The following NUMBL variants were observed in gnomAD, a reference collection of about 807,000 sequenced individuals.
NUMBL encodes the protein numb-like protein.
In NUMBL, 20 loss-of-function variants were observed where a neutral mutation model predicts 48.9. The ratio of observed to expected loss-of-function variants is 0.41; its 90% confidence interval spans 0.29 to 0.59. The LOEUF is 0.59. Ranked by LOEUF, NUMBL falls within the 20% of genes least tolerant of loss-of-function variation. NUMBL has a pLI of 0.31. For missense variants in NUMBL, 660 were observed against 846.2 expected (o/e 0.78, Z 2.73); for synonymous variants, 340 against 348.7 (o/e 0.98, Z 0.28).
At chr19:40,671,036 G>A (rs1276215960) in intron 8 of NUMBL, among the ~76,000 whole-genome samples, 1 of 152,106 alleles carries the variant, frequency 6.6e-6, no homozygotes, top group East Asian at 1.9e-4. Flanking sequence ...GAGTGTAGTG[G>A]CACAATCTTA....
At position 40,673,270 on chromosome 19, in the gene NUMBL, C is replaced by A. The variant is rs936861442; in HGVS notation, c.1036+74G>T. 24 of 1,415,794 alleles carry A rather than the reference C, an allele frequency of 1.7e-5. No individual in the cohort carries two copies. The highest frequency in any genetic ancestry group is 2.2e-5 in the Non-Finnish European group (23 of 1,052,138). 87.7% of individuals were successfully genotyped at this position (1,415,794 alleles called of 1,614,324 possible). On this transcript the variant is annotated intron_variant, in intron 8 of 9. Coordinates refer to ENST00000252891, the MANE Select transcript of NUMBL (RefSeq NM_004756.5). The surrounding 1 kb of genome is among the most constrained non-coding windows in gnomAD (Gnocchi z 5.9). The stretch of plus-strand genomic sequence containing the variant: ...AAATCAATCACAGTGTGAACCATCT[C>A]GCCTCCATCCCTTGCCCACATCAGA...
At chr19:40,681,360 G>C (rs1353671945) in intron 5 of NUMBL, among the ~76,000 whole-genome samples, 1 of 152,200 alleles carries the variant, frequency 6.6e-6, no homozygotes, top group Non-Finnish European at 1.5e-5. Context: ...AAGCCAGCTT[G>C]GGGTCAGTCA....
In NUMBL at chr19:40,666,139, G is replaced by GTTTTTTTTTTTTTTTTTTTT. The variant is rs767929280; in HGVS notation, c.*1328_*1329insAAAAAAAAAAAAAAAAAAAA. ...ATTAATATTGAGCTAATTAGAAGTA[G>GTTTTTTTTTTTTTTTTTTTT]TTTTTTTTTTTTTGTTTTTTTTTTT... On this transcript the variant is annotated 3_prime_UTR_variant, in exon 10 of 10. Transcript: ENST00000252891. The GTTTTTTTTTTTTTTTTTTTT allele has an allele frequency of 7.1e-5, 9 of 125,966 alleles. No individual in the cohort carries two copies. Among genetic ancestry groups the GTTTTTTTTTTTTTTTTTTTT allele is most frequent in the Non-Finnish European group, 6.6e-5 (4 of 60,734 alleles). The allele number at this position is 125,966 out of a possible 1,614,324, so 7.8% of individuals were successfully genotyped here.
In NUMBL at chr19:40,673,944, A is replaced by G. The variant is rs1173850621; in HGVS notation, c.731-295T>C. 5.9e-5 allele frequency among the ~76,000 whole-genome samples: 9 copies of G among 151,820 alleles called. No homozygotes were observed. The highest frequency in any genetic ancestry group is 5.9e-4 in the Admixed American group (9 of 15,248). ...ACCATTCTTCCCTCTAAGACCCTCT[A>G]TCTCCCTTTTTGATCACTTAACAAA... is the stretch of plus-strand genomic sequence containing the variant. On this transcript the variant is annotated intron_variant, in intron 7 of 9. Transcript: ENST00000252891. This position sits in a 1 kb window ranked among gnomAD's most constrained non-coding sequence, Gnocchi z 5.9.
rs566397265 is a variant in NUMBL, at chr19:40,668,062, C to A, written c.1236G>T (p.Glu412Asp). The change falls in exon 10 of 10, where the codon GAG (glutamate) becomes GAT (aspartate). Residue 412 changes from glutamate to aspartate, a missense_variant. Coordinates refer to ENST00000252891, the MANE Select transcript of NUMBL (RefSeq NM_004756.5). ...ACACCTCCTCCAGCCATCGCTCAGCCTCTGAAGGTGTCCGCTTGTGCCCAG... is the reference window on the plus strand; with the variant it reads ...ACACCTCCTCCAGCCATCGCTCAGCATCTGAAGGTGTCCGCTTGTGCCCAG... ...FQPGHKRTPS[E>D]AERWLEEVSQ... 2.5e-5 allele frequency: 40 copies of A among 1,595,210 alleles called. 1 individual carries two copies. In the South Asian group the frequency reaches 4.0e-4, roughly 16 times the overall value.
intron 2 of NUMBL, chr19:40,686,281 A>G (rs1858918729): frequency 6.6e-6 from 1 of 152,466 alleles, no homozygotes; most frequent in South Asian, 2.1e-4. Flanking sequence ...CAGCCTCCCA[A>G]GTAGCTGGGA....
At position 40,667,366 on chromosome 19, in the gene NUMBL, T is replaced by C; in HGVS notation, c.*102A>G. 6.7e-7 allele frequency: 1 copy of C among 1,484,828 alleles called. No individual in the cohort carries two copies. The highest frequency in any genetic ancestry group is 9.0e-7 in the Non-Finnish European group (1 of 1,114,000). 92.0% of individuals were successfully genotyped at this position (1,484,828 alleles called of 1,614,324 possible). On this transcript the variant is annotated 3_prime_UTR_variant, in exon 10 of 10. Transcript: ENST00000252891. The surrounding 1 kb of genome is among the most constrained non-coding windows in gnomAD (Gnocchi z 6.1). ...GAGGGAGGGGGGTGTTGAGAGGGTG[T>C]TGAGGGGCGCAGCCCCAGGGAGCAG...
chr19:40,670,457 C>T lies in NUMBL; in HGVS notation c.1037-437G>A, dbSNP rs1466511250. Among the ~76,000 whole-genome samples the T allele has an allele frequency of 2.6e-5, 4 of 152,088 alleles. No homozygotes were observed. In the East Asian group the frequency reaches 7.7e-4, roughly 29 times the overall value. Reference sequence around the variant, plus strand: ...GAGAAGTGGGGTCCTGTCCACCCCACCCAGGCTGATCTATGGCAAACATCA... The same window carrying T: ...GAGAAGTGGGGTCCTGTCCACCCCATCCAGGCTGATCTATGGCAAACATCA... On this transcript the variant is annotated intron_variant, in intron 8 of 9. Transcript: ENST00000252891.
intron 8 of NUMBL, among the ~76,000 whole-genome samples, chr19:40,671,122 C>T (rs1481716218): frequency 1.3e-5 from 2 of 152,184 alleles, no homozygotes; most frequent in East Asian, 3.9e-4. Context: ...TGCCACTGCA[C>T]CTGGTTAACA....
intron 3 of NUMBL, among the ~76,000 whole-genome samples, chr19:40,683,632 G>T (rs957197499): frequency 6.6e-6 from 1 of 152,208 alleles, no homozygotes; most frequent in Non-Finnish European, 1.5e-5. Flanking sequence ...AGTCCACGCC[G>T]TGAATCCTGC....
intron 9 of NUMBL, 54 bp from the exon 10 acceptor site, chr19:40,668,192 AC>A: frequency 6.6e-7 from 1 of 1,516,158 alleles, no homozygotes; most frequent in Middle Eastern, 2.4e-4. Flanking sequence ...CAGCAGAAGA[AC>A]CCCAGGCTGG....
chr19:40,677,935 T>C (rs2081886345), intron 6 of NUMBL, among the ~76,000 whole-genome samples: 1 of 152,146 alleles, frequency 6.6e-6, no homozygotes, highest in Admixed American at 6.6e-5. Flanking sequence ...GGCAATGTTC[T>C]AGATATTGAT....
intron 2 of NUMBL, among the ~76,000 whole-genome samples, chr19:40,686,522 C>T (rs902034420): frequency 4.0e-5 from 6 of 150,798 alleles, no homozygotes; most frequent in Non-Finnish European, 8.8e-5. Context: ...CGTCTGTGGT[C>T]ACCTGTGAAT....
chr19:40,670,689 C>T (rs1018155370), intron 8 of NUMBL, among the ~76,000 whole-genome samples: 7 of 152,160 alleles, frequency 4.6e-5, no homozygotes, highest in African/African-American at 7.2e-5. Context: ...CAGAACTGGC[C>T]GTAGGAGTCT....
In NUMBL at chr19:40,666,060, A is replaced by G. The variant is rs1280019970; in HGVS notation, c.*1408T>C. 1 of 152,242 alleles carries G rather than the reference A, an allele frequency of 6.6e-6. No individual in the cohort carries two copies. Among genetic ancestry groups the G allele is most frequent in the Non-Finnish European group, 1.5e-5 (1 of 68,046 alleles). The allele number at this position is 152,242 out of a possible 1,614,324, so 9.4% of individuals were successfully genotyped here. A position where few individuals can be genotyped will look rare whatever the true frequency, so the allele number is the denominator to read the frequency against. ...AGTTATGGAAAATGCTGACAAAACAAGAATTTGCCAGCATGGGCAAAGATA... is the reference window on the plus strand; with the variant it reads ...AGTTATGGAAAATGCTGACAAAACAGGAATTTGCCAGCATGGGCAAAGATA... On this transcript the variant is annotated 3_prime_UTR_variant, in exon 10 of 10. Coordinates refer to ENST00000252891, the MANE Select transcript of NUMBL (RefSeq NM_004756.5).
chr19:40,674,851 A>G (rs2081866311), intron 7 of NUMBL, among the ~76,000 whole-genome samples: 1 of 152,076 alleles, frequency 6.6e-6, no homozygotes, highest in African/African-American at 2.4e-5. Flanking sequence ...AATCCAACAA[A>G]AGCATGCCTG....
intron 7 of NUMBL, among the ~76,000 whole-genome samples, chr19:40,676,875 C>A (rs1000123169): frequency 6.6e-6 from 1 of 151,846 alleles, no homozygotes; most frequent in African/African-American, 2.4e-5. Context: ...AGTGCAGTGG[C>A]GTGATCTCGG....
chr19:40,676,269 C>T (rs1011399052), intron 7 of NUMBL, among the ~76,000 whole-genome samples: 6 of 152,054 alleles, frequency 3.9e-5, no homozygotes, highest in African/African-American at 1.4e-4. Context: ...TGGCTTGTGC[C>T]TATATTCCCA....
chr19:40,683,902 T>C (rs2561539), intron 3 of NUMBL, among the ~76,000 whole-genome samples: 104,799 of 151,482 alleles, frequency 0.69, 37,316 homozygotes, highest in African/African-American at 0.87. Context: ...CTCAGCCTTG[T>C]GAGTAGCTGG....
Sources: gnomAD v4.1 joint callset for allele counts (sites outside exome capture counted in the v4.1 genomes callset) on GRCh38, gnomAD v4.1.1 for gene constraint, Gnocchi (gnomAD v3.1) non-coding constraint, MANE v1.5 for transcripts, NCBI Gene and HGNC (gene_info 2026-07-23, HGNC 2026-07-21) for gene names.